Variants in FHOD3 observed in about 807,000 individuals in gnomAD.
The protein encoded by FHOD3 is formin homology 2 domain containing 3.
In FHOD3, 90 loss-of-function variants were observed where a neutral mutation model predicts 173.0. The ratio of observed to expected loss-of-function variants is 0.52; its 90% CI spans 0.44 to 0.62. FHOD3 has a LOEUF of 0.62. Ranked by LOEUF, FHOD3 falls within the 20% of genes least tolerant of loss-of-function variation. The probability of loss-of-function intolerance (pLI) is 0.00; values close to 1 mark genes in which losing one functional copy is unlikely to be tolerated. For missense variants in FHOD3, 1,945 were observed against 2,034.7 expected, an observed-to-expected ratio of 0.96 and a Z score of 0.85; for synonymous variants, 828 against 823.0, an observed-to-expected ratio of 1.01 and a Z score of -0.10.
chr18:36,723,094 A>G (rs556702173), intron 19 of FHOD3, among the ~76,000 whole-genome samples: 5 of 152,282 alleles, frequency 3.3e-5, no homozygotes, highest in African/African-American at 1.2e-4. Context: ...CCCCAGAGAA[A>G]GATGTCAGGG....
intron 10 of FHOD3, among the ~76,000 whole-genome samples, chr18:36,629,262 T>C (rs1244980549): frequency 6.6e-6 from 1 of 152,232 alleles, no homozygotes; most frequent in Non-Finnish European, 1.5e-5. Context: ...ATTCTGCCTT[T>C]GTAGCACGTC....
At chr18:36,757,847 C>A (rs2042697150) in intron 25 of FHOD3, among the ~76,000 whole-genome samples, 1 of 152,166 alleles carries the variant, frequency 6.6e-6, no homozygotes. Flanking sequence ...ATAGACAAGG[C>A]AACACGAGGC....
At chr18:36,766,631 G>A (rs1251049115) in intron 27 of FHOD3, among the ~76,000 whole-genome samples, 1 of 152,196 alleles carries the variant, frequency 6.6e-6, no homozygotes, top group African/African-American at 2.4e-5. Context: ...AAGAGGAGCG[G>A]ACATAAAGTA....
chr18:36,436,143 A>C (rs1258707230), intron 3 of FHOD3, among the ~76,000 whole-genome samples: 2 of 152,186 alleles, frequency 1.3e-5, no homozygotes, highest in Admixed American at 1.3e-4. Context: ...GCTAATTATA[A>C]ACTGATATTG....
At chr18:36,624,365 G>C (rs935504342) in intron 9 of FHOD3, among the ~76,000 whole-genome samples, 1 of 152,176 alleles carries the variant, frequency 6.6e-6, no homozygotes, top group African/African-American at 2.4e-5. Context: ...TTCATTAGTG[G>C]CACAGCCAGC....
At chr18:36,705,191 T>C (rs1381375792) in intron 17 of FHOD3, among the ~76,000 whole-genome samples, 3 of 152,058 alleles carry the variant, frequency 2.0e-5, no homozygotes, top group African/African-American at 7.2e-5. Context: ...CCCAGATCCC[T>C]CCATCAACAC....
chr18:36,298,069 T>C, intron 1 of FHOD3, 69 bp downstream of exon 1: 5 of 1,340,070 alleles, frequency 3.7e-6, no homozygotes, highest in Non-Finnish European at 4.8e-6. Context: ...CCGGGGTGGG[T>C]CCCGGGGCTT....
chr18:36,760,917 C>A, intron 27 of FHOD3, 135 bp downstream of exon 27: 1 of 854,814 alleles, frequency 1.2e-6, no homozygotes, highest in Non-Finnish European at 1.7e-6. Flanking sequence ...CACACACATT[C>A]CCTCACTAGC....
chr18:36,465,103 G>A (rs928942079), intron 3 of FHOD3, among the ~76,000 whole-genome samples: 18 of 152,140 alleles, frequency 1.2e-4, no homozygotes, highest in Non-Finnish European at 2.1e-4. Flanking sequence ...TGAGGAGGGC[G>A]GATCACTTCA....
At chr18:36,449,586 G>GC (rs2051702263) in intron 3 of FHOD3, among the ~76,000 whole-genome samples, 1 of 152,058 alleles carries the variant, frequency 6.6e-6, no homozygotes, top group African/African-American at 2.4e-5. Flanking sequence ...ATTCCACAGA[G>GC]TTTTACTCTA....
intron 10 of FHOD3, among the ~76,000 whole-genome samples, chr18:36,644,560 C>T (rs1600057424): frequency 6.6e-6 from 1 of 152,158 alleles, no homozygotes; most frequent in Non-Finnish European, 1.5e-5. Flanking sequence ...TGCCCTGCCA[C>T]TTATGATAGC....
intron 3 of FHOD3, among the ~76,000 whole-genome samples, chr18:36,427,654 C>T (rs899194843): frequency 3.9e-5 from 6 of 152,230 alleles, no homozygotes; most frequent in African/African-American, 9.6e-5. Context: ...ATGGATCACT[C>T]TCCAAATGGC....
At chr18:36,372,644 C>T in intron 2 of FHOD3, 36 bp from the exon 3 acceptor site, 1 of 1,601,904 alleles carries the variant, frequency 6.2e-7, no homozygotes, top group Non-Finnish European at 8.5e-7. Context: ...TCTGCTGACT[C>T]CTCTGATGCC....
intron 27 of FHOD3, among the ~76,000 whole-genome samples, chr18:36,765,310 G>T (rs376851178): frequency 3.9e-5 from 6 of 152,150 alleles, no homozygotes; most frequent in East Asian, 1.9e-4. Context: ...TAAAGCTGCT[G>T]TCTGGCCTAA....
chr18:36,504,087 AT>A (rs2055175505), intron 4 of FHOD3, among the ~76,000 whole-genome samples: 1 of 152,044 alleles, frequency 6.6e-6, no homozygotes, highest in Non-Finnish European at 1.5e-5. Flanking sequence ...CGCTTGGCTA[AT>A]TTTTATATTT....
intron 20 of FHOD3, among the ~76,000 whole-genome samples, chr18:36,736,246 C>A (rs907463693): frequency 6.6e-6 from 1 of 152,250 alleles, no homozygotes; most frequent in Non-Finnish European, 1.5e-5. Flanking sequence ...CCTGACACCC[C>A]ACAGGGCATG....
At chr18:36,585,210 G>T (rs1483402038) in intron 6 of FHOD3, among the ~76,000 whole-genome samples, 2 of 152,146 alleles carry the variant, frequency 1.3e-5, no homozygotes, top group Admixed American at 1.3e-4. Context: ...AGTGAATGAG[G>T]TTGTGTTTGA....
chr18:36,733,896 A>G (rs548645740), intron 20 of FHOD3, among the ~76,000 whole-genome samples: 19 of 152,318 alleles, frequency 1.2e-4, no homozygotes, highest in Admixed American at 4.6e-4. Context: ...CCAGTGAGCC[A>G]GAGAGCCGGG....
chr18:36,709,506 C>T (rs2040054805), intron 18 of FHOD3, 115 bp downstream of exon 18: 1 of 1,145,436 alleles, frequency 8.7e-7, no homozygotes, highest in African/African-American at 1.5e-5. Flanking sequence ...GGTCAACCCA[C>T]TCATGTGGCT....
Sources: allele counts gnomAD v4.1 joint callset (sites outside exome capture counted in the v4.1 genomes callset), GRCh38; gene constraint gnomAD v4.1.1; transcripts MANE v1.5; gene names NCBI Gene and HGNC (gene_info 2026-07-23, HGNC 2026-07-21).